Variants in RNF224 observed in about 807,000 individuals in gnomAD.
RNF224 encodes ring finger protein 224.
In RNF224, 1 loss-of-function variant was observed where a neutral mutation model predicts 2.9. The ratio of observed to expected loss-of-function variants is 0.35; its 90% CI spans 0.12 to 1.66. The LOEUF (loss-of-function observed/expected upper bound fraction) is 1.66, where lower values mean the gene tolerates loss of function less well. Among genes scored for constraint, RNF224 ranks in the 40% most tolerant of loss-of-function variants. RNF224 has a pLI of 0.35. For missense variants in RNF224, 254 were observed against 221.8 expected (o/e 1.15, Z -0.92); for synonymous variants, 116 against 97.6 (o/e 1.19, Z -1.11).
chr9:137,228,080 TG>T, intron 1 of RNF224, 71 bp from the exon 2 acceptor site: 4 of 410,498 alleles, frequency 9.7e-6, no homozygotes, highest in Non-Finnish European at 1.6e-5. Context: ...AGAAGCTGGC[TG>T]GGTCTGGACA....
In RNF224 at chr9:137,228,822, G is replaced by A; in HGVS notation, c.207G>A (p.Gln69=). ...APEQRWIPCP[Q]CRQSTPTPRG... ...AGCAGCGCTGGATCCCCTGTCCGCA[G>A]TGCCGTCAGAGCACGCCCACGCCTC... is the stretch of plus-strand genomic sequence containing the variant. The change falls in exon 3 of 3, where the codon CAG becomes CAA. Residue 69 remains glutamine (Q), a synonymous_variant. Coordinates refer to ENST00000445101, the MANE Select transcript of RNF224 (RefSeq NM_001190228.2). The A allele has an allele frequency of 6.5e-7, 1 of 1,535,450 alleles. No homozygotes were observed. Among genetic ancestry groups the A allele is most frequent in the Non-Finnish European group, 8.7e-7 (1 of 1,146,670 alleles).
Position 137,228,618 on chromosome 9 carries a change from G to T in RNF224, c.7-4G>T. 3 of 1,438,454 alleles carry T rather than the reference G, an allele frequency of 2.1e-6. No homozygotes were observed. Among genetic ancestry groups the T allele is most frequent in the Non-Finnish European group, 2.7e-6 (3 of 1,098,262 alleles). The allele number at this position is 1,438,454 out of a possible 1,614,324, so 89.1% of individuals were successfully genotyped here. On this transcript the variant is annotated splice_polypyrimidine_tract_variant and splice_region_variant and intron_variant, in intron 2 of 2. Transcript: ENST00000445101. ...GCTGTCCACCGCTGGCTTCCCTCTG[G>T]CAGGATGCTGCAGCCGGAGGGCCCC...
At chr9:137,227,954 G>A (rs1198386053) in intron 1 of RNF224, 93 bp downstream of exon 1, 237 of 228,368 alleles carry the variant, frequency 1.0e-3, no homozygotes, top group Non-Finnish European at 1.8e-3. Context: ...GGGAGGGGGA[G>A]GGTGGGGGAG....
chr9:137,228,171 TG>T lies in RNF224; in HGVS notation c.-163del, dbSNP rs1159838346. 1.1e-5 allele frequency: 7 copies of T among 625,080 alleles called. No homozygotes were observed. The African/African-American group carries it at 1.3e-4, about 12-fold the overall frequency. The allele number at this position is 625,080 out of a possible 1,614,324, so 38.7% of individuals were successfully genotyped here. A position where few individuals can be genotyped will look rare whatever the true frequency, so the allele number is the denominator to read the frequency against. The stretch of plus-strand genomic sequence containing the variant: ...CGTTAGATCTAGTTTCAAGGCTTTG[TG>T]GCTGAAACGGGAGCCCACGCCCGCC... On this transcript the variant is annotated 5_prime_UTR_variant, in exon 2 of 3. The change abolishes the stop of an existing upstream ORF in the 5' untranslated region. Coordinates refer to ENST00000445101, the MANE Select transcript of RNF224 (RefSeq NM_001190228.2).
intron 2 of RNF224, 132 bp from the exon 3 acceptor site, chr9:137,228,490 C>T (rs916427874): frequency 9.2e-7 from 1 of 1,084,306 alleles, no homozygotes; most frequent in African/African-American, 1.6e-5. Context: ...GTGCCACGCT[C>T]CCTCCCAGGT....
chr9:137,228,579 G>C (rs1836036018), intron 2 of RNF224, 43 bp from the exon 3 acceptor site: 2 of 1,385,700 alleles, frequency 1.4e-6, no homozygotes, highest in East Asian at 2.5e-5. Flanking sequence ...CCAGGCGGAA[G>C]GTCCTCGAGG....
At position 137,228,770 on chromosome 9, in the gene RNF224, T is replaced by C. The variant is rs1404019756; in HGVS notation, c.155T>C (p.Val52Ala). 8 of 1,532,854 alleles carry C rather than the reference T, an allele frequency of 5.2e-6. No individual in the cohort carries two copies. Among genetic ancestry groups the C allele is most frequent in the East Asian group, 4.9e-5 (2 of 40,828 alleles). 95.0% of individuals were successfully genotyped at this position (1,532,854 alleles called of 1,614,324 possible). A position where few individuals can be genotyped will look rare whatever the true frequency, so the allele number is the denominator to read the frequency against. ...GGACACACCTTCTGCCAGGCGTGTGTGCGGCGGCTGGACACACCGGCGCCC... is the reference window on the plus strand; with the variant it reads ...GGACACACCTTCTGCCAGGCGTGTGCGCGGCGGCTGGACACACCGGCGCCC... ...YCGHTFCQAC[V>A]RRLDTPAPEQ... Residue 52 changes from valine to alanine, a missense_variant, in exon 3 of 3, where the codon GTG (valine) becomes GCG (alanine). Transcript: ENST00000445101.
In RNF224 at chr9:137,228,952, G is replaced by T; in HGVS notation, c.337G>T (p.Gly113Cys). ...LEPLPLTSLK[G>C]SAITRQPAGL... ...ACCCCTGCCCCTCACCTCCCTCAAA[G>T]GCAGCGCCATCACTCGGCAGCCAGC... The change falls in exon 3 of 3, where the codon GGC becomes TGC. Residue 113 changes from glycine (G) to cysteine (C), a missense_variant. Gly to Cys is a radical substitution (Grantham distance 159, BLOSUM62 -3). Coordinates refer to ENST00000445101, the MANE Select transcript of RNF224 (RefSeq NM_001190228.2). The T allele has an allele frequency of 2.0e-6, 3 of 1,535,768 alleles. No individual in the cohort carries two copies. The highest frequency in any genetic ancestry group is 2.6e-6 in the Non-Finnish European group (3 of 1,146,828).
chr9:137,229,383 G>A lies in RNF224; in HGVS notation c.*297G>A, dbSNP rs182747265. ...TGAGGACACTGCTGTCTGAGTGGGC[G>A]GCAAGCCTGGCTTGGGCCTAGACGC... On this transcript the variant is annotated 3_prime_UTR_variant, in exon 3 of 3. Coordinates refer to ENST00000445101, the MANE Select transcript of RNF224 (RefSeq NM_001190228.2). 6.0e-5 allele frequency: 28 copies of A among 469,276 alleles called. No individual in the cohort carries two copies. Among genetic ancestry groups the A allele is most frequent in the Middle Eastern group, 5.8e-4 (1 of 1,726 alleles). 29.1% of individuals were successfully genotyped at this position (469,276 alleles called of 1,614,324 possible). A position where few individuals can be genotyped will look rare whatever the true frequency, so the allele number is the denominator to read the frequency against.
chr9:137,228,791 C>T lies in RNF224; in HGVS notation c.176C>T (p.Ala59Val), dbSNP rs1460486716. 52 of 1,533,448 alleles carry T rather than the reference C, an allele frequency of 3.4e-5. No individual in the cohort carries two copies. Among genetic ancestry groups the T allele is most frequent in the Admixed American group, 7.9e-5 (4 of 50,924 alleles). The allele number at this position is 1,533,448 out of a possible 1,614,324, so 95.0% of individuals were successfully genotyped here. ...QACVRRLDTPAPEQRWIPCPQ... is the reference protein window; with the variant it reads ...QACVRRLDTPVPEQRWIPCPQ... ...TGTGTGCGGCGGCTGGACACACCGGCGCCCGAGCAGCGCTGGATCCCCTGT... is the reference window on the plus strand; with the variant it reads ...TGTGTGCGGCGGCTGGACACACCGGTGCCCGAGCAGCGCTGGATCCCCTGT... The change falls in exon 3 of 3, where the codon GCG (alanine) becomes GTG (valine). Residue 59 changes from alanine (A) to valine (V), a missense_variant. Transcript: ENST00000445101.
At chr9:137,228,435 C>G in intron 2 of RNF224, 94 bp downstream of exon 2, 1 of 1,257,768 alleles carries the variant, frequency 8.0e-7, no homozygotes, top group Non-Finnish European at 1.1e-6. Flanking sequence ...CGGCTGGTGC[C>G]CACATGAACC....
chr9:137,228,543 G>T, intron 2 of RNF224, 79 bp from the exon 3 acceptor site: 1 of 1,237,824 alleles, frequency 8.1e-7, no homozygotes, highest in South Asian at 1.6e-5. Context: ...GACCTCTGGG[G>T]TGGGCTCCTG....
chr9:137,228,998 GACCCCA>G lies in RNF224; in HGVS notation c.384_389del (p.Gln130_Pro131del). 6.5e-7 allele frequency: 1 copy of G among 1,535,532 alleles called. No individual in the cohort carries two copies. Among genetic ancestry groups the G allele is most frequent in the Non-Finnish European group, 8.7e-7 (1 of 1,146,708 alleles). ...CCAGCTGGGCTGTGCCCTGCCCTGGGACCCCAGCCCCACTTCCCCCAGCCCAGATAC... is the reference window on the plus strand; with the variant it reads ...CCAGCTGGGCTGTGCCCTGCCCTGGGGCCCCACTTCCCCCAGCCCAGATAC... On this transcript the variant is annotated inframe_deletion, in exon 3 of 3. Coordinates refer to ENST00000445101, the MANE Select transcript of RNF224 (RefSeq NM_001190228.2).
chr9:137,228,599 C>A, intron 2 of RNF224, 23 bp from the exon 3 acceptor site: 1 of 1,424,522 alleles, frequency 7.0e-7, no homozygotes, highest in Non-Finnish European at 9.2e-7. Context: ...GCAGGCTGTC[C>A]ACCGCTGGCT....
chr9:137,227,887 G>A (rs746611291), intron 1 of RNF224, 26 bp downstream of exon 1: 110 of 172,332 alleles, frequency 6.4e-4, no homozygotes, highest in Non-Finnish European at 1.0e-3. Flanking sequence ...AGTATGGAGG[G>A]GAGGTTAAGG....
chr9:137,229,047 C>A lies in RNF224; in HGVS notation c.432C>A (p.Gly144=). 6.5e-7 allele frequency: 1 copy of A among 1,533,666 alleles called. No individual in the cohort carries two copies. Among genetic ancestry groups the A allele is most frequent in the Non-Finnish European group, 8.7e-7 (1 of 1,145,230 alleles). The change falls in exon 3 of 3, where the codon GGC becomes GGA. Residue 144 remains glycine, a synonymous_variant. Coordinates refer to ENST00000445101, the MANE Select transcript of RNF224 (RefSeq NM_001190228.2). ...PQPRYCCWGC[G]SLCCPPLGSP... is the part of the protein sequence containing the mutation. ...CCAGATACTGCTGCTGGGGCTGTGGCAGCCTCTGCTGCCCACCCCTAGGCA... is the reference window on the plus strand; with the variant it reads ...CCAGATACTGCTGCTGGGGCTGTGGAAGCCTCTGCTGCCCACCCCTAGGCA...
rs1836006805 is a variant in RNF224, at chr9:137,227,592, G to C, written c.-454G>C. 1 of 152,504 alleles carries C rather than the reference G, an allele frequency of 6.6e-6. No individual in the cohort carries two copies. Among genetic ancestry groups the C allele is most frequent in the Non-Finnish European group, 1.5e-5 (1 of 68,058 alleles). The allele number at this position is 152,504 out of a possible 1,614,324, so 9.4% of individuals were successfully genotyped here. On this transcript the variant is annotated 5_prime_UTR_variant, in exon 1 of 3. Transcript: ENST00000445101. ...AGGGTGGCCTGGAGGCTGCAGACGGGCAGAGCAGCCAGGAGCTGCCCACCA... is the reference window on the plus strand; with the variant it reads ...AGGGTGGCCTGGAGGCTGCAGACGGCCAGAGCAGCCAGGAGCTGCCCACCA...
chr9:137,228,060 A>C (rs1256522432), intron 1 of RNF224, 92 bp from the exon 2 acceptor site: 8 of 438,722 alleles, frequency 1.8e-5, no homozygotes, highest in Non-Finnish European at 3.8e-6. Context: ...AGCCTGGATA[A>C]GGTGTTAGCA....
rs958972084 is a variant in RNF224, at chr9:137,229,368, G to A, written c.*282G>A. On this transcript the variant is annotated 3_prime_UTR_variant, in exon 3 of 3. Transcript: ENST00000445101. Reference sequence around the variant, plus strand: ...ACCGGATGTGCCTGGTGAGGACACTGCTGTCTGAGTGGGCGGCAAGCCTGG... The same window carrying A: ...ACCGGATGTGCCTGGTGAGGACACTACTGTCTGAGTGGGCGGCAAGCCTGG... 2 of 502,644 alleles carry A rather than the reference G, an allele frequency of 4.0e-6. No individual in the cohort carries two copies. The highest frequency in any genetic ancestry group is 7.2e-6 in the Non-Finnish European group (2 of 277,350). The allele number at this position is 502,644 out of a possible 1,614,324, so 31.1% of individuals were successfully genotyped here.
Sources: allele counts gnomAD v4.1 joint callset, GRCh38; gene constraint gnomAD v4.1.1; transcripts MANE v1.5; gene names NCBI Gene and HGNC (gene_info 2026-07-23, HGNC 2026-07-21).